Variants in CSMD1 observed in about 807,000 individuals in gnomAD.
The protein encoded by CSMD1 is CUB and Sushi multiple domains 1, also known as CUB and sushi domain-containing protein 1.
A neutral mutation model predicts 417.5 loss-of-function variants in CSMD1; 213 were observed. That is an observed-to-expected ratio of 0.51 (90% CI 0.46 to 0.57). The LOEUF (loss-of-function observed/expected upper bound fraction) is 0.57. Among genes scored for constraint, CSMD1 ranks in the 20% least tolerant of loss-of-function variants. The probability of loss-of-function intolerance (pLI) is 0.00; values close to 1 mark genes in which losing one functional copy is unlikely to be tolerated. For synonymous variants in CSMD1, 2,862 were observed against 1,736.8 expected (o/e 1.65, Z -16.11); for missense variants, 6,923 against 4,529.7 (o/e 1.53, Z -15.17).
chr8:4,729,218 G>C (rs908342448), intron 1 of CSMD1, among the ~76,000 whole-genome samples: 4 of 151,978 alleles, frequency 2.6e-5, no homozygotes, highest in African/African-American at 9.7e-5. Flanking sequence ...TAAATAAAGA[G>C]GGCATTATCA....
In CSMD1 at chr8:3,278,019, T is replaced by A. The variant is rs376384535; in HGVS notation, c.4153+6125A>T. ...AATGTTTGTTGCTTCTTAAAAAATA[T>A]ATGGATAGAGAAGAAAGGGAGACCC... On this transcript the variant is annotated intron_variant, in intron 26 of 69. Coordinates refer to ENST00000635120, the MANE Select transcript of CSMD1 (RefSeq NM_033225.6). 5.1e-3 allele frequency among the ~76,000 whole-genome samples: 771 copies of A among 152,182 alleles called. 7 individuals are homozygous for A. The highest frequency in any genetic ancestry group is 7.4e-3 in the Non-Finnish European group (500 of 67,996).
chr8:3,151,753 C>G (rs892418732), intron 39 of CSMD1, among the ~76,000 whole-genome samples: 4 of 152,214 alleles, frequency 2.6e-5, no homozygotes, highest in African/African-American at 9.7e-5. Flanking sequence ...TCTCCTCTCA[C>G]ACTCAAAGGC....
intron 4 of CSMD1, among the ~76,000 whole-genome samples, chr8:4,004,050 G>GA (rs1422127260): frequency 1.3e-5 from 2 of 151,760 alleles, no homozygotes; most frequent in Admixed American, 6.6e-5. Context: ...TAGTAAAACA[G>GA]AAAAAAGGGT....
rs75505134 is a variant in CSMD1, at chr8:4,800,579, G to A, written c.86-163021C>T. 4.5e-3 allele frequency among the ~76,000 whole-genome samples: 691 copies of A among 152,352 alleles called. 10 individuals are homozygous for A. The highest frequency in any genetic ancestry group is 0.016 in the African/African-American group (653 of 41,584). On this transcript the variant is annotated intron_variant, in intron 1 of 69. Transcript: ENST00000635120. ...CTGATAAAGACCTCAGACCGTCAGA[G>A]GCAGAGCAGGGAAGGACGCCTAGCA...
intron 3 of CSMD1, among the ~76,000 whole-genome samples, chr8:4,141,658 G>C (rs1418966968): frequency 1.3e-5 from 1 of 77,086 alleles, no homozygotes; most frequent in Non-Finnish European, 3.9e-5. Context: ...TAAATCTCCA[G>C]ATCTCTAAAC....
intron 3 of CSMD1, among the ~76,000 whole-genome samples, chr8:4,221,183 A>C (rs930150280): frequency 6.6e-6 from 1 of 152,230 alleles, no homozygotes; most frequent in Non-Finnish European, 1.5e-5. Context: ...TCTGCATTTC[A>C]ATCTGGCTTT....
At chr8:3,239,259 C>T (rs1266193860) in intron 26 of CSMD1, among the ~76,000 whole-genome samples, 1 of 152,080 alleles carries the variant, frequency 6.6e-6, no homozygotes, top group African/African-American at 2.4e-5. Flanking sequence ...TGAAAAAATG[C>T]TTGGCTGATT....
In CSMD1 at chr8:4,683,504, T is replaced by A. The variant is rs1806173462; in HGVS notation, c.86-45946A>T. Among the ~76,000 whole-genome samples, 3 of 152,120 alleles carry A rather than the reference T, an allele frequency of 2.0e-5. No individual in the cohort carries two copies. In the South Asian group the frequency reaches 6.2e-4, roughly 31 times the overall value. On this transcript the variant is annotated intron_variant, in intron 1 of 69. Coordinates refer to ENST00000635120, the MANE Select transcript of CSMD1 (RefSeq NM_033225.6). The stretch of plus-strand genomic sequence containing the variant: ...GTAGAGTGGACAACAGGGGAGGCTA[T>A]CCCATCTCTGTAAGGGATTGTGCCA...
chr8:3,894,673 T>C (rs188029175), intron 5 of CSMD1, among the ~76,000 whole-genome samples: 1 of 152,182 alleles, frequency 6.6e-6, no homozygotes, highest in Admixed American at 6.5e-5. Flanking sequence ...AGAGTCTAAT[T>C]GAAAAGTTCA....
intron 1 of CSMD1, among the ~76,000 whole-genome samples, chr8:4,745,241 G>C (rs754198365): frequency 3.3e-5 from 5 of 152,006 alleles, no homozygotes; most frequent in Non-Finnish European, 4.4e-5. Context: ...AGCAGTTTTT[G>C]GTCCTAGAGA....
intron 1 of CSMD1, among the ~76,000 whole-genome samples, chr8:4,742,959 C>G (rs1355543854): frequency 6.6e-6 from 1 of 152,138 alleles, no homozygotes; most frequent in Non-Finnish European, 1.5e-5. Flanking sequence ...AGTGCATTAT[C>G]TACAACTAAA....
At chr8:3,448,914 G>A (rs80063668) in intron 12 of CSMD1, among the ~76,000 whole-genome samples, 4,468 of 152,310 alleles carry the variant, frequency 0.029, 115 homozygotes, top group East Asian at 0.11. Flanking sequence ...CCCTATGTAT[G>A]AATGAGCCAC....
chr8:3,776,184 A>G (rs762169647), intron 5 of CSMD1, among the ~76,000 whole-genome samples: 5 of 152,152 alleles, frequency 3.3e-5, no homozygotes, highest in Non-Finnish European at 5.9e-5. Context: ...GAACAGATCC[A>G]TGTCTGACCA....
intron 1 of CSMD1, among the ~76,000 whole-genome samples, chr8:4,871,978 G>A (rs1802763449): frequency 1.3e-5 from 2 of 152,044 alleles, no homozygotes; most frequent in Admixed American, 1.3e-4. Context: ...CAGCAGCACG[G>A]CCCCAGCATT....
chr8:4,048,806 T>C (rs1798278716), intron 3 of CSMD1, among the ~76,000 whole-genome samples: 1 of 152,198 alleles, frequency 6.6e-6, no homozygotes, highest in Non-Finnish European at 1.5e-5. Flanking sequence ...GTATATGTAG[T>C]CACAAGCTTT....
intron 2 of CSMD1, among the ~76,000 whole-genome samples, chr8:4,423,139 G>A (rs1050225663): frequency 6.6e-6 from 1 of 152,048 alleles, no homozygotes; most frequent in Non-Finnish European, 1.5e-5. Context: ...CTGGAAACAA[G>A]TCAAGAAATT....
intron 16 of CSMD1, among the ~76,000 whole-genome samples, chr8:3,396,912 C>T (rs1320258916): frequency 6.6e-6 from 1 of 151,902 alleles, no homozygotes; most frequent in South Asian, 2.1e-4. Flanking sequence ...TTTTAAATTG[C>T]AATAACTCTT....
intron 3 of CSMD1, among the ~76,000 whole-genome samples, chr8:4,183,724 A>G (rs1714780): frequency 1 from 152,083 of 152,372 alleles, 75,898 homozygotes; most frequent in Middle Eastern, 1. Context: ...GAAAAATAAT[A>G]TATCATTTTA....
At chr8:4,123,958 G>C (rs1802623885) in intron 3 of CSMD1, among the ~76,000 whole-genome samples, 1 of 151,576 alleles carries the variant, frequency 6.6e-6, no homozygotes, top group Non-Finnish European at 1.5e-5. Flanking sequence ...CAAAAAAGCT[G>C]GAAAAAAGTT....
Sources: allele counts gnomAD v4.1 joint callset (sites outside exome capture counted in the v4.1 genomes callset), GRCh38; gene constraint gnomAD v4.1.1; transcripts MANE v1.5; gene names NCBI Gene and HGNC (gene_info 2026-07-23, HGNC 2026-07-21).